Variants in SH3BGR observed in about 807,000 individuals in gnomAD.
The protein encoded by SH3BGR is SH3 domain binding glutamate rich protein, also known as SH3 domain-binding glutamic acid-rich protein.
Under a neutral mutation model 24.5 loss-of-function variants are expected in SH3BGR, and 29 were observed. The ratio of observed to expected loss-of-function variants is 1.18; its 90% CI spans 0.88 to 1.61. The LOEUF (loss-of-function observed/expected upper bound fraction) is 1.61, where lower values mean the gene tolerates loss of function less well. Ranked by LOEUF, SH3BGR falls within the 40% of genes most tolerant of loss-of-function variation. The pLI, the probability that SH3BGR is intolerant of heterozygous loss-of-function variation, is 0.00. For missense variants in SH3BGR, 162 were observed against 205.8 expected (o/e 0.79, Z 1.30); for synonymous variants, 55 against 65.7 (o/e 0.84, Z 0.79).
intron 1 of SH3BGR, among the ~76,000 whole-genome samples, chr21:39,458,617 C>G (rs1054684423): frequency 2.0e-5 from 3 of 149,460 alleles, no homozygotes; most frequent in Non-Finnish European, 4.4e-5. Context: ...GGATTATAGG[C>G]ATGAGCCACT....
chr21:39,462,368 TGA>T lies in SH3BGR; in HGVS notation c.46-6_46-5del. On this transcript the variant is annotated splice_region_variant and splice_polypyrimidine_tract_variant and intron_variant, in intron 1 of 6. Transcript: ENST00000333634. ...AAACAGCCTAATATTTCTCTACTCT[TGA>T]CCAGATTAGGAAGAAACAGCAAGAA... 6.3e-7 allele frequency: 1 copy of T among 1,593,414 alleles called. No homozygotes were observed. Among genetic ancestry groups the T allele is most frequent in the Non-Finnish European group, 8.5e-7 (1 of 1,174,614 alleles).
chr21:39,460,616 C>G (rs1157553472), intron 1 of SH3BGR, among the ~76,000 whole-genome samples: 1 of 151,940 alleles, frequency 6.6e-6, no homozygotes, highest in African/African-American at 2.4e-5. Flanking sequence ...ATTTCAGGCG[C>G]ATGCCACCAC....
rs761917640 is a variant in SH3BGR at position 39,515,327 on chromosome 21, A to T, written c.*274A>T. On this transcript the variant is annotated 3_prime_UTR_variant, in exon 7 of 7. Coordinates refer to ENST00000333634, the MANE Select transcript of SH3BGR (RefSeq NM_007341.3). ...GATTTTTTTTTCTTTTTTGCTCTGCATAGCTAGACCATCTTATTAATAATA... is the reference window on the plus strand; with the variant it reads ...GATTTTTTTTTCTTTTTTGCTCTGCTTAGCTAGACCATCTTATTAATAATA... 2 of 224,326 alleles carry T rather than the reference A, an allele frequency of 8.9e-6. No homozygotes were observed. Among genetic ancestry groups the T allele is most frequent in the Non-Finnish European group, 1.9e-5 (2 of 107,756 alleles). The allele number at this position is 224,326 out of a possible 1,614,324, so 13.9% of individuals were successfully genotyped here.
At chr21:39,489,756 A>G (rs1236500851) in intron 3 of SH3BGR, among the ~76,000 whole-genome samples, 3 of 152,242 alleles carry the variant, frequency 2.0e-5, no homozygotes, top group Non-Finnish European at 4.4e-5. Flanking sequence ...TGCCAGGGCT[A>G]CATTTGAGAG....
At chr21:39,450,895 C>G (rs1436331747), upstream of SH3BGR, among the ~76,000 whole-genome samples, 3 of 152,092 alleles carry the variant, frequency 2.0e-5, no homozygotes, top group African/African-American at 7.2e-5. Context: ...AAACTCCTGG[C>G]TAAAGGGCTC....
rs185006748 is a variant in SH3BGR, at chr21:39,498,237, G to C, written c.313-1586G>C. On this transcript the variant is annotated intron_variant, in intron 3 of 6. Transcript: ENST00000333634. The stretch of plus-strand genomic sequence containing the variant: ...TTATGTATTAGGATGCAGAGGTACC[G>C]TATCACATTTTTAATACTGATTATC... Among the ~76,000 whole-genome samples, 286 of 152,302 alleles carry C rather than the reference G, an allele frequency of 1.9e-3. 2 individuals are homozygous for C. Among genetic ancestry groups the C allele is most frequent in the African/African-American group, 6.5e-3 (272 of 41,562 alleles).
chr21:39,485,931 G>A (rs372614354), intron 3 of SH3BGR, among the ~76,000 whole-genome samples: 20 of 151,834 alleles, frequency 1.3e-4, no homozygotes, highest in Admixed American at 4.6e-4. Context: ...CTCGTGATCC[G>A]CCCGCCTCGG....
intron 3 of SH3BGR, among the ~76,000 whole-genome samples, chr21:39,478,311 C>CGTCCA (rs1316773264): frequency 2.6e-5 from 4 of 152,308 alleles, no homozygotes; most frequent in African/African-American, 9.6e-5. Context: ...CCAGGCTGGA[C>CGTCCA]GTTGCTGCAC....
At chr21:39,451,349 C>T (rs566237857), upstream of SH3BGR, among the ~76,000 whole-genome samples, 2 of 152,266 alleles carry the variant, frequency 1.3e-5, no homozygotes, top group South Asian at 4.2e-4. Context: ...TATTGAGAAG[C>T]CAGCGGCTAT....
intron 4 of SH3BGR, among the ~76,000 whole-genome samples, chr21:39,507,411 G>A (rs865939624): frequency 2.0e-5 from 3 of 152,094 alleles, no homozygotes; most frequent in Admixed American, 6.6e-5. Flanking sequence ...TTGACTCACC[G>A]CAACCTCCGC....
intron 3 of SH3BGR, among the ~76,000 whole-genome samples, chr21:39,488,979 A>T (rs1464497373): frequency 6.6e-6 from 1 of 152,206 alleles, no homozygotes; most frequent in Non-Finnish European, 1.5e-5. Context: ...CCTCAAACAA[A>T]CAAACAAAAA....
At chr21:39,476,082 G>A (rs558055481) in intron 3 of SH3BGR, among the ~76,000 whole-genome samples, 79 of 152,312 alleles carry the variant, frequency 5.2e-4, no homozygotes, top group African/African-American at 1.8e-3. Flanking sequence ...ATGAAACAGA[G>A]TAATGAGAGA....
chr21:39,481,947 A>G (rs192350419), intron 3 of SH3BGR, among the ~76,000 whole-genome samples: 2 of 152,344 alleles, frequency 1.3e-5, no homozygotes, highest in East Asian at 3.9e-4. Context: ...AGCCCCGCCA[A>G]ACATTATTTG....
intron 2 of SH3BGR, 48 bp downstream of exon 2, chr21:39,462,608 G>T (rs1334881304): frequency 2.2e-6 from 3 of 1,352,672 alleles, no homozygotes; most frequent in Non-Finnish European, 3.0e-6. Context: ...GTGTTTATTA[G>T]AAATTTTCTA....
At chr21:39,481,691 A>G (rs931087650) in intron 3 of SH3BGR, among the ~76,000 whole-genome samples, 1 of 152,244 alleles carries the variant, frequency 6.6e-6, no homozygotes, top group African/African-American at 2.4e-5. Context: ...AAAAGAGAAG[A>G]TCCAAACATT....
At position 39,459,901 on chromosome 21, in the gene SH3BGR, T is replaced by C. The variant is rs374974511; in HGVS notation, c.46-2474T>C. Among the ~76,000 whole-genome samples, 136 of 152,286 alleles carry C rather than the reference T, an allele frequency of 8.9e-4. 2 individuals carry two copies. The highest frequency in any genetic ancestry group is 3.1e-3 in the African/African-American group (129 of 41,566). On this transcript the variant is annotated intron_variant, in intron 1 of 6. Coordinates refer to ENST00000333634, the MANE Select transcript of SH3BGR (RefSeq NM_007341.3). ...ACTTTTTGTAAGTTTCTCCCTGTGG[T>C]TATTAAAATGGGGTCCACACAGTCT...
chr21:39,492,475 TATATATACAC>T lies in SH3BGR; in HGVS notation c.313-7346_313-7337del, dbSNP rs528752044. 1.6e-3 allele frequency among the ~76,000 whole-genome samples: 196 copies of T among 119,898 alleles called. 1 individual carries two copies. The highest frequency in any genetic ancestry group is 2.9e-3 in the South Asian group (10 of 3,432). 78.7% of individuals were successfully genotyped at this position (119,898 alleles called of 152,430 possible). On this transcript the variant is annotated intron_variant, in intron 3 of 6. Transcript: ENST00000333634. ...GTGTGTGTGTGTGTGTGTATATATA[TATATATACAC>T]ACACACACACACACCACATTTTCTT...
chr21:39,452,487 T>G (rs1253464337), intron 1 of SH3BGR, among the ~76,000 whole-genome samples: 6 of 152,202 alleles, frequency 3.9e-5, no homozygotes, highest in African/African-American at 1.4e-4. Context: ...TTAAACTAAT[T>G]TAAAATTGTA....
chr21:39,494,905 T>C (rs554845634), intron 3 of SH3BGR, among the ~76,000 whole-genome samples: 2 of 152,150 alleles, frequency 1.3e-5, no homozygotes, highest in Admixed American at 1.3e-4. Context: ...TTGTTTTTCT[T>C]TGATCTTCAT....
Sources: allele counts gnomAD v4.1 joint callset (sites outside exome capture counted in the v4.1 genomes callset), GRCh38; gene constraint gnomAD v4.1.1; transcripts MANE v1.5; gene names NCBI Gene and HGNC (gene_info 2026-07-23, HGNC 2026-07-21).